Variants in HDAC9 observed in about 807,000 individuals in gnomAD.
HDAC9 encodes the protein MEF-2 interacting transcription repressor (MITR) protein.
A neutral mutation model predicts 139.4 loss-of-function variants in HDAC9; 41 were observed. The observed-to-expected ratio is 0.29, with a 90% CI of 0.23 to 0.38. The LOEUF (loss-of-function observed/expected upper bound fraction) is 0.38. Ranked by LOEUF, HDAC9 falls within the 10% of genes least tolerant of loss-of-function variation. The pLI, the probability that HDAC9 is intolerant of heterozygous loss-of-function variation, is 1.00. For missense variants in HDAC9, 1,147 were observed against 1,297.0 expected (o/e 0.88, Z 1.78); for synonymous variants, 517 against 476.2 (o/e 1.09, Z -1.12).
intron 12 of HDAC9, among the ~76,000 whole-genome samples, chr7:18,685,910 A>G (rs1782235759): frequency 6.6e-6 from 1 of 152,034 alleles, no homozygotes. Flanking sequence ...GATAATGACA[A>G]CAATAACAAC....
chr7:18,328,115 T>C (rs1382899109), intron 1 of HDAC9, among the ~76,000 whole-genome samples: 1 of 152,012 alleles, frequency 6.6e-6, no homozygotes, highest in African/African-American at 2.4e-5. Context: ...AATGAAATTA[T>C]AGAAACTTAA....
Position 18,324,636 on chromosome 7 carries a change from A to G in HDAC9, c.-42+34121A>G, listed in dbSNP as rs188715782. Among the ~76,000 whole-genome samples the G allele has an allele frequency of 7.2e-5, 11 of 152,224 alleles. No homozygotes were observed. In the East Asian group the frequency reaches 2.1e-3, roughly 29 times the overall value. Reference sequence around the variant, plus strand: ...CAGTTGGCAGAAATTGCAATGCCTCACTCAGGGCCCATTGCGGAACTACTG... The same window carrying G: ...CAGTTGGCAGAAATTGCAATGCCTCGCTCAGGGCCCATTGCGGAACTACTG... On this transcript the variant is annotated intron_variant, in intron 1 of 3. Coordinates refer to the HDAC9 transcript ENST00000413509.
At chr7:18,836,057 C>T in intron 21 of HDAC9, 60 bp downstream of exon 21, 3 of 868,022 alleles carry the variant, frequency 3.5e-6, no homozygotes, top group South Asian at 1.6e-5. Context: ...ATTGAAATAA[C>T]ACCAAATATG....
chr7:18,812,831 C>T (rs1794282786), intron 17 of HDAC9, among the ~76,000 whole-genome samples: 1 of 151,950 alleles, frequency 6.6e-6, no homozygotes, highest in African/African-American at 2.4e-5. Flanking sequence ...GGACTCTGTT[C>T]ATTTTCTTGA....
rs78070193 is a variant in HDAC9, at chr7:18,292,036, C to T, written c.-42+1521C>T. Among the ~76,000 whole-genome samples, 309 of 152,166 alleles carry T rather than the reference C, an allele frequency of 2.0e-3. 4 individuals are homozygous for T. In the East Asian group the frequency reaches 0.048, roughly 24 times the overall value. Reference sequence around the variant, plus strand: ...CTGCAAGTTGCTCAGATACTTTTTTCATTGCTAATGAGAATGGTGAAATTC... The same window carrying T: ...CTGCAAGTTGCTCAGATACTTTTTTTATTGCTAATGAGAATGGTGAAATTC... On this transcript the variant is annotated intron_variant, in intron 1 of 3. Coordinates refer to the HDAC9 transcript ENST00000413509.
At chr7:18,560,322 G>T (rs1820191982) in intron 2 of HDAC9, among the ~76,000 whole-genome samples, 1 of 152,244 alleles carries the variant, frequency 6.6e-6, no homozygotes, top group African/African-American at 2.4e-5. Context: ...GAGAAAAATG[G>T]ATTTAAAGGA....
At chr7:18,941,083 A>G (rs1781992819) in intron 23 of HDAC9, among the ~76,000 whole-genome samples, 1 of 152,100 alleles carries the variant, frequency 6.6e-6, no homozygotes, top group Admixed American at 6.6e-5. Context: ...CAGCATTTAC[A>G]CTTGGAGCAT....
At chr7:18,145,229 CT>C (rs1786221193) in intron 1 of HDAC9, among the ~76,000 whole-genome samples, 1 of 152,198 alleles carries the variant, frequency 6.6e-6, no homozygotes, top group African/African-American at 2.4e-5. Flanking sequence ...CAGACATAAT[CT>C]TTGCTTTCAT....
intron 2 of HDAC9, among the ~76,000 whole-genome samples, chr7:18,227,615 T>G (rs1222463931): frequency 6.6e-6 from 1 of 152,178 alleles, no homozygotes; most frequent in Non-Finnish European, 1.5e-5. Context: ...GGTAAAACCC[T>G]TCCCAATTTA....
intron 14 of HDAC9, among the ~76,000 whole-genome samples, chr7:18,760,274 C>T (rs894662712): frequency 6.6e-6 from 1 of 152,130 alleles, no homozygotes; most frequent in African/African-American, 2.4e-5. Context: ...GAGGGATTCT[C>T]CACCCCCTGA....
intron 2 of HDAC9, among the ~76,000 whole-genome samples, chr7:18,529,990 G>T (rs746771389): frequency 3.9e-5 from 6 of 152,018 alleles, no homozygotes; most frequent in Admixed American, 3.9e-4. Flanking sequence ...ATAATTACAG[G>T]TCGGGCACGG....
chr7:18,519,632 G>A (rs914480773), intron 2 of HDAC9, among the ~76,000 whole-genome samples: 3 of 152,100 alleles, frequency 2.0e-5, no homozygotes, highest in Admixed American at 6.6e-5. Context: ...GAGGAAAGGG[G>A]TGTTGTCATG....
intron 1 of HDAC9, chr7:18,325,450 A>G (rs1011973170): frequency 1.3e-5 from 2 of 152,058 alleles, no homozygotes; most frequent in African/African-American, 4.8e-5. Flanking sequence ...TGAGTTCCAT[A>G]TAGTCACCAC....
chr7:18,445,683 C>T (rs1262407858), intron 1 of HDAC9, among the ~76,000 whole-genome samples: 1 of 152,194 alleles, frequency 6.6e-6, no homozygotes, highest in Non-Finnish European at 1.5e-5. Context: ...TTCCCAAATG[C>T]CCCGAGGCAG....
chr7:18,285,815 T>C (rs1057495677), upstream of HDAC9, among the ~76,000 whole-genome samples: 2 of 152,110 alleles, frequency 1.3e-5, no homozygotes, highest in Non-Finnish European at 2.9e-5. Flanking sequence ...TTTGAATATA[T>C]GTCAATAAGC....
At chr7:18,415,531 C>T (rs563732302) in intron 1 of HDAC9, among the ~76,000 whole-genome samples, 3 of 152,334 alleles carry the variant, frequency 2.0e-5, no homozygotes, top group South Asian at 4.1e-4. Flanking sequence ...GCAACGCTCT[C>T]TAACATAATT....
At chr7:18,090,313 A>C (rs991708730) in intron 1 of HDAC9, among the ~76,000 whole-genome samples, 5 of 152,222 alleles carry the variant, frequency 3.3e-5, no homozygotes, top group Admixed American at 3.3e-4. Flanking sequence ...TAAAGTGGTC[A>C]TCTTTATACA....
At chr7:18,150,054 A>G in intron 1 of HDAC9, among the ~76,000 whole-genome samples, 1 of 143,030 alleles carries the variant, frequency 7.0e-6, no homozygotes, top group East Asian at 2.0e-4. Context: ...TCCTAGTGTG[A>G]TTTGTCTTTG....
At chr7:18,553,471 C>T (rs1190979737) in intron 2 of HDAC9, among the ~76,000 whole-genome samples, 1 of 152,144 alleles carries the variant, frequency 6.6e-6, no homozygotes, top group Non-Finnish European at 1.5e-5. Flanking sequence ...GCAATACGTG[C>T]TGCAGACTTC....
Sources: allele counts gnomAD v4.1 joint callset (sites outside exome capture counted in the v4.1 genomes callset), GRCh38; gene constraint gnomAD v4.1.1; transcripts MANE v1.5; gene names NCBI Gene and HGNC (gene_info 2026-07-23, HGNC 2026-07-21).